The following TPM1 variants were observed in gnomAD, a reference collection of about 807,000 sequenced individuals.
TPM1 encodes tropomyosin alpha-1 chain.
Under a neutral mutation model 42.9 loss-of-function variants are expected in TPM1, and 24 were observed. The ratio of observed to expected loss-of-function variants is 0.56; its 90% CI spans 0.41 to 0.79. TPM1 has a LOEUF of 0.79. Among genes scored for constraint, TPM1 ranks in the 30% least tolerant of loss-of-function variants. The pLI is 0.00. For synonymous variants in TPM1, 136 were observed against 130.1 expected (o/e 1.05, Z -0.31); for missense variants, 158 against 351.8 (o/e 0.45, Z 4.41).
In TPM1 at chr15:63,065,386, A is replaced by G. The variant is rs1023780828; in HGVS notation, c.852-510A>G. On this transcript the variant is annotated intron_variant, in intron 9 of 9. Coordinates refer to ENST00000403994, the MANE Select transcript of TPM1 (RefSeq NM_001018005.2). The stretch of plus-strand genomic sequence containing the variant: ...TCATTCATTTACCCATGCAGAAAAA[A>G]TGGTAACTTGAAGAGAGTGGCATGT... 212 of 990,312 alleles carry G rather than the reference A, an allele frequency of 2.1e-4. 1 individual carries two copies. The Admixed American group carries it at 2.6e-3, about 12-fold the overall frequency. The allele number at this position is 990,312 out of a possible 1,614,324, so 61.3% of individuals were successfully genotyped here. A position where few individuals can be genotyped will look rare whatever the true frequency, so the allele number is the denominator to read the frequency against.
chr15:63,064,479 A>C, intron 9 of TPM1: 1 of 1,120,316 alleles, frequency 8.9e-7, no homozygotes, highest in Non-Finnish European at 1.1e-6. Context: ...TTTGTTGTAC[A>C]GGAACTTCTC....
downstream of TPM1, among the ~76,000 whole-genome samples, chr15:63,069,349 A>AT (rs2036469941): frequency 6.6e-6 from 1 of 152,190 alleles, no homozygotes; most frequent in South Asian, 2.1e-4. Context: ...CAAAAGCAGT[A>AT]ACCCCCAGTT....
At chr15:63,048,828 G>T (rs1358759081) in intron 2 of TPM1, 1 of 1,292,242 alleles carries the variant, frequency 7.7e-7, no homozygotes, top group Non-Finnish European at 1.1e-6. Flanking sequence ...CCTCCAGGGC[G>T]CACCTGGCGC....
downstream of TPM1, among the ~76,000 whole-genome samples, chr15:63,069,184 A>G (rs919369075): frequency 3.9e-5 from 6 of 152,132 alleles, no homozygotes; most frequent in Non-Finnish European, 5.9e-5. Context: ...GATAAATTCT[A>G]AATCAGTGTT....
intron 1 of TPM1, chr15:63,043,170 T>A (rs1334472961): frequency 5.3e-6 from 3 of 569,948 alleles, no homozygotes; most frequent in East Asian, 6.1e-5. Context: ...CTGGTTCCCA[T>A]GGCCCGCGAA....
At chr15:63,069,394 G>A (rs922101494), downstream of TPM1, among the ~76,000 whole-genome samples, 5 of 152,240 alleles carry the variant, frequency 3.3e-5, no homozygotes, top group East Asian at 1.9e-4. Flanking sequence ...CCCTGTGAAC[G>A]GAGAGGAAAG....
At chr15:63,069,365 T>C (rs1374087110), downstream of TPM1, among the ~76,000 whole-genome samples, 1 of 152,136 alleles carries the variant, frequency 6.6e-6, no homozygotes, top group Non-Finnish European at 1.5e-5. Flanking sequence ...CAGTTGGTCC[T>C]ACCTGAGGGG....
rs1376930088 is a variant in TPM1, at chr15:63,043,742, C to T, written c.115-285C>T. The stretch of plus-strand genomic sequence containing the variant: ...CATCGCGGCCAAGGAGAAGTTGCTG[C>T]GGGTGTCGGAGGACGAGCGGGACCG... On this transcript the variant is annotated intron_variant, in intron 1 of 9. Coordinates refer to ENST00000403994, the MANE Select transcript of TPM1 (RefSeq NM_001018005.2). 4.5e-6 allele frequency: 7 copies of T among 1,549,112 alleles called. No individual in the cohort carries two copies. The highest frequency in any genetic ancestry group is 2.7e-5 in the African/African-American group (2 of 73,046).
chr15:63,054,736 A>T (rs905977623), intron 2 of TPM1, among the ~76,000 whole-genome samples: 4 of 152,218 alleles, frequency 2.6e-5, no homozygotes, highest in African/African-American at 9.7e-5. Context: ...TGAAAATGAT[A>T]AGAAAGGGGG....
chr15:63,057,464 A>C (rs1031446587), intron 3 of TPM1, among the ~76,000 whole-genome samples: 5 of 152,234 alleles, frequency 3.3e-5, no homozygotes, highest in Admixed American at 2.6e-4. Flanking sequence ...GCAATTGTGC[A>C]TTTTTTAAAG....
At chr15:63,056,621 C>G (rs963768050) in intron 2 of TPM1, 1 of 313,470 alleles carries the variant, frequency 3.2e-6, no homozygotes, top group African/African-American at 2.2e-5. Flanking sequence ...GAGCTGAGAT[C>G]GTGCCACTGC....
intron 2 of TPM1, chr15:63,056,745 GTC>G (rs1319504705): frequency 1.8e-6 from 1 of 555,444 alleles, no homozygotes; most frequent in African/African-American, 1.9e-5. Flanking sequence ...TGATCTGTCT[GTC>G]TGATGAGAAT....
chr15:63,069,161 A>G (rs531300355), downstream of TPM1, among the ~76,000 whole-genome samples: 4 of 152,136 alleles, frequency 2.6e-5, no homozygotes, highest in Non-Finnish European at 5.9e-5. Context: ...TCAAAAAACA[A>G]AAAAAGCAAG....
intron 9 of TPM1, chr15:63,064,571 T>TA: frequency 9.5e-7 from 1 of 1,050,036 alleles, no homozygotes; most frequent in African/African-American, 1.7e-5. Context: ...AAGGAACCCT[T>TA]AAAGTGTCAG....
rs1566942697 is a variant in TPM1 at position 63,048,371 on chromosome 15, G to C, written c.240+4219G>C. The C allele has an allele frequency of 3.0e-6, 4 of 1,317,290 alleles. No homozygotes were observed. The East Asian group carries it at 1.1e-4, about 35-fold the overall frequency. 81.6% of individuals were successfully genotyped at this position (1,317,290 alleles called of 1,614,324 possible). On this transcript the variant is annotated intron_variant, in intron 2 of 9. Coordinates refer to ENST00000403994, the MANE Select transcript of TPM1 (RefSeq NM_001018005.2). Reference sequence around the variant, plus strand: ...CGGCGCGCGCCCCTCCCAGCCGCGCGCGCCCGCCTGCGGTTTGTCTGCGCA... The same window carrying C: ...CGGCGCGCGCCCCTCCCAGCCGCGCCCGCCCGCCTGCGGTTTGTCTGCGCA...
rs1596372037 is a variant in TPM1 at position 63,059,596 on chromosome 15, A to C, written c.408A>C (p.Lys136Asn). The change falls in exon 4 of 10, where the codon AAA (lysine) becomes AAC (asparagine). Residue 136 changes from lysine to asparagine, a missense_variant. This residue lies in a region of TPM1 where 65 missense variants were observed against 208.8 expected (regional missense o/e 0.31). Coordinates refer to ENST00000403994, the MANE Select transcript of TPM1 (RefSeq NM_001018005.2). ...GMKVIESRAQ[K>N]DEEKMEIQEI... is the part of the protein sequence containing the mutation. ...AAGTCATTGAGAGTCGAGCCCAAAA[A>C]GATGAAGAAAAAATGGAAATTCAGG... 3 of 1,611,632 alleles carry C rather than the reference A, an allele frequency of 1.9e-6. No individual in the cohort carries two copies. Among genetic ancestry groups the C allele is most frequent in the Non-Finnish European group, 2.5e-6 (3 of 1,178,428 alleles).
At chr15:63,070,907 G>A (rs2036574293), downstream of TPM1, 6 of 1,389,794 alleles carry the variant, frequency 4.3e-6, no homozygotes, top group East Asian at 1.7e-4. Flanking sequence ...GCTCCTTTGG[G>A]TCAAAGATGC....
intron 2 of TPM1, chr15:63,056,330 T>C (rs2034776902): frequency 6.5e-6 from 1 of 152,998 alleles, no homozygotes; most frequent in Admixed American, 6.5e-5. Context: ...GTGGCCGTGA[T>C]GACGCTCTTG....
chr15:63,049,089 T>C (rs1417244098), intron 2 of TPM1: 1 of 254,720 alleles, frequency 3.9e-6, no homozygotes, highest in Non-Finnish European at 7.8e-6. Flanking sequence ...AGGGAGGAGG[T>C]CCTTCCTCTT....
Sources: gnomAD v4.1 joint callset for allele counts (sites outside exome capture counted in the v4.1 genomes callset) on GRCh38, gnomAD v4.1.1 for gene constraint, gnomAD v4.1.1 regional missense constraint, MANE v1.5 for transcripts, NCBI Gene and HGNC (gene_info 2026-07-23, HGNC 2026-07-21) for gene names.